USP8: variants seen among roughly 807,000 people sequenced by gnomAD.
The protein encoded by USP8 is ubiquitin specific peptidase 8.
Under a neutral mutation model 130.0 loss-of-function variants are expected in USP8, and 27 were observed. The ratio of observed to expected loss-of-function variants is 0.21; its 90% CI spans 0.15 to 0.29. The LOEUF (loss-of-function observed/expected upper bound fraction) is 0.29. Among genes scored for constraint, USP8 ranks in the 10% least tolerant of loss-of-function variants. The pLI is 1.00. For missense variants in USP8, 1,029 were observed against 1,312.2 expected (o/e 0.78, Z 3.33); for synonymous variants, 392 against 444.1 (o/e 0.88, Z 1.48).
intron 17 of USP8, 106 bp from the exon 18 acceptor site, chr15:50,496,983 G>A: frequency 1.5e-6 from 2 of 1,370,388 alleles, no homozygotes; most frequent in South Asian, 2.9e-5. Flanking sequence ...TGTGTAGATT[G>A]CTGTTGAATC....
Position 50,506,978 on chromosome 15 carries a change from A to T in USP8, c.*7890A>T, listed in dbSNP as rs1236997793. On this transcript the variant is annotated 3_prime_UTR_variant, in exon 20 of 20. Coordinates refer to ENST00000307179, the MANE Select transcript of USP8 (RefSeq NM_005154.5). Reference sequence around the variant, plus strand: ...ATCTCAAAAAAAAAAAAAAAAAAAAAAAAAAAAAAAAATCCAGTTTTAGGC... The same window carrying T: ...ATCTCAAAAAAAAAAAAAAAAAAAATAAAAAAAAAAAATCCAGTTTTAGGC... 6.5e-6 allele frequency: 1 copy of T among 152,702 alleles called. No homozygotes were observed. The highest frequency in any genetic ancestry group is 1.9e-4 in the East Asian group (1 of 5,232). 9.5% of individuals were successfully genotyped at this position (152,702 alleles called of 1,614,324 possible). A position where few individuals can be genotyped will look rare whatever the true frequency, so the allele number is the denominator to read the frequency against.
chr15:50,450,054 C>T (rs909245997), intron 4 of USP8, among the ~76,000 whole-genome samples: 8 of 151,230 alleles, frequency 5.3e-5, no homozygotes, highest in African/African-American at 9.7e-5. Context: ...CCACCTCACC[C>T]GGCTAATTTT....
rs1190193576 is a variant in USP8 at position 50,498,887 on chromosome 15, A to G, written c.3172-16A>G. ...TTTAACTGAATTGATTTTTTTTTCT[A>G]TCTTGTTTGGCACAGAATCACTACG... On this transcript the variant is annotated splice_polypyrimidine_tract_variant and intron_variant, in intron 19 of 19. Coordinates refer to ENST00000307179, the MANE Select transcript of USP8 (RefSeq NM_005154.5). 2 of 1,568,772 alleles carry G rather than the reference A, an allele frequency of 1.3e-6. No individual in the cohort carries two copies. The highest frequency in any genetic ancestry group is 1.7e-6 in the Non-Finnish European group (2 of 1,159,754).
chr15:50,429,088 A>G (rs2049842270), intron 1 of USP8, among the ~76,000 whole-genome samples: 1 of 152,120 alleles, frequency 6.6e-6, no homozygotes, highest in South Asian at 2.1e-4. Context: ...TTATTTCTGG[A>G]ATTTTTTATT....
intron 7 of USP8, among the ~76,000 whole-genome samples, chr15:50,468,392 G>A (rs926382603): frequency 1.3e-5 from 2 of 150,414 alleles, no homozygotes; most frequent in Non-Finnish European, 1.5e-5. Context: ...ATAGGTGTGC[G>A]CCACCACACC....
rs775130274 is a variant in USP8 at position 50,481,572 on chromosome 15, G to A, written c.1310G>A (p.Ser437Asn). 5 of 1,613,954 alleles carry A rather than the reference G, an allele frequency of 3.1e-6. No homozygotes were observed. In the East Asian group the frequency reaches 1.1e-4, roughly 36 times the overall value. ...AACCATGAGCAACAATCTCCTCAGA[G>A]TGGAAAAGTTATTCCTGATCGTTCC... ...STNHEQQSPQ[S>N]GKVIPDRSTK... The change falls in exon 11 of 20, where the codon AGT becomes AAT. Residue 437 changes from serine (S) to asparagine (N), a missense_variant. Transcript: ENST00000307179.
At chr15:50,495,738 G>C in intron 16 of USP8, 110 bp from the exon 17 acceptor site, 1 of 839,768 alleles carries the variant, frequency 1.2e-6, no homozygotes, top group Admixed American at 2.9e-5. Flanking sequence ...TCCTTTATGA[G>C]AACTACAGGT....
At chr15:50,452,446 A>G (rs1285306625) in intron 4 of USP8, among the ~76,000 whole-genome samples, 2 of 152,210 alleles carry the variant, frequency 1.3e-5, no homozygotes, top group Non-Finnish European at 2.9e-5. Flanking sequence ...AGACTGTAGA[A>G]CAAATCCAAG....
intron 8 of USP8, 107 bp downstream of exon 8, chr15:50,471,902 C>CTT (rs57729947): frequency 0.019 from 16,190 of 874,576 alleles, 100 homozygotes; most frequent in African/African-American, 0.059. Flanking sequence ...TTCATCATGC[C>CTT]TTTTTTTTTT....
chr15:50,426,573 A>T (rs2049733398), intron 1 of USP8, among the ~76,000 whole-genome samples: 1 of 152,172 alleles, frequency 6.6e-6, no homozygotes, highest in South Asian at 2.1e-4. Flanking sequence ...TGGCTAATTC[A>T]CGTGAAGGCG....
Position 50,443,752 on chromosome 15 carries a change from G to C in USP8, c.249+2259G>C, listed in dbSNP as rs372243841. Among the ~76,000 whole-genome samples, 3 of 152,240 alleles carry C rather than the reference G, an allele frequency of 2.0e-5. No homozygotes were observed. In the East Asian group the frequency reaches 5.8e-4, roughly 29 times the overall value. On this transcript the variant is annotated intron_variant, in intron 3 of 19. Transcript: ENST00000307179. ...CTGCCTCTGCCTTCCAAAGTGCTGG[G>C]ATTCCAGGCTTGAGCCATCATGCCT...
rs1439843191 is a variant in USP8 at position 50,476,929 on chromosome 15, G to A, written c.930G>A (p.Gln310=). The A allele has an allele frequency of 6.2e-7, 1 of 1,610,766 alleles. No individual in the cohort carries two copies. The highest frequency in any genetic ancestry group is 8.5e-7 in the Non-Finnish European group (1 of 1,179,548). Residue 310 remains glutamine, a synonymous_variant, in exon 9 of 20, where the codon CAG becomes CAA. Coordinates refer to ENST00000307179, the MANE Select transcript of USP8 (RefSeq NM_005154.5). ...AAAACTGGCTCCTTTGTTATCCCCAGTATACAACAAATGCTAAGGTCACTC... is the reference window on the plus strand; with the variant it reads ...AAAACTGGCTCCTTTGTTATCCCCAATATACAACAAATGCTAAGGTCACTC... ...GYENWLLCYP[Q]YTTNAKVTPP...
At position 50,481,859 on chromosome 15, in the gene USP8, G is replaced by A. The variant is rs768167279; in HGVS notation, c.1597G>A (p.Ala533Thr). Residue 533 changes from alanine (A) to threonine (T), a missense_variant, in exon 11 of 20, where the codon GCC becomes ACC. This residue lies in a region of USP8 where 486 missense variants were observed against 522.0 expected (regional missense o/e 0.93). Coordinates refer to ENST00000307179, the MANE Select transcript of USP8 (RefSeq NM_005154.5). ...AATGGAGAAGAAAGAAAGTGAACAG[G>A]CCAAGAAAGAAGATAAAGAAACCTC... ...EEMEKKESEQ[A>T]KKEDKETSAK... 11 of 1,542,660 alleles carry A rather than the reference G, an allele frequency of 7.1e-6. No individual in the cohort carries two copies. The highest frequency in any genetic ancestry group is 9.6e-6 in the Non-Finnish European group (11 of 1,149,546).
At chr15:50,440,751 C>T (rs1235334286) in intron 2 of USP8, among the ~76,000 whole-genome samples, 3 of 152,046 alleles carry the variant, frequency 2.0e-5, no homozygotes, top group Middle Eastern at 3.4e-3. Flanking sequence ...GCCTGTAATC[C>T]GAGCACTTTG....
In USP8 at chr15:50,465,126, G is replaced by A; in HGVS notation, c.621G>A (p.Met207Ile). The change falls in exon 7 of 20, where the codon ATG (methionine) becomes ATA (isoleucine). Residue 207 changes from methionine (M) to isoleucine (I), a missense_variant. Met to Ile is a conservative substitution (Grantham distance 10). Around this residue, in one of 4 missense-constraint regions of USP8, gnomAD observed 281 missense variants for 336.7 expected, o/e 0.83. Coordinates refer to ENST00000307179, the MANE Select transcript of USP8 (RefSeq NM_005154.5). The stretch of plus-strand genomic sequence containing the variant: ...TGATTATAATGGATGCTCGAAGAAT[G>A]CAGGATTATCAGGATTCCTGTATTT... ...ISLIIMDARR[M>I]QDYQDSCILH... 3.1e-6 allele frequency: 5 copies of A among 1,614,006 alleles called. No homozygotes were observed. Among genetic ancestry groups the A allele is most frequent in the Non-Finnish European group, 3.4e-6 (4 of 1,179,914 alleles).
At chr15:50,446,514 A>C (rs2050446358) in intron 3 of USP8, among the ~76,000 whole-genome samples, 1 of 152,206 alleles carries the variant, frequency 6.6e-6, no homozygotes, top group African/African-American at 2.4e-5. Flanking sequence ...TGATTACATT[A>C]TGATTTCTGT....
At chr15:50,458,308 C>T (rs750887388) in intron 4 of USP8, among the ~76,000 whole-genome samples, 9 of 152,266 alleles carry the variant, frequency 5.9e-5, no homozygotes, top group South Asian at 2.1e-4. Context: ...TGCACCACCA[C>T]GCCCAGCTAA....
At chr15:50,452,763 C>T (rs1420023260) in intron 4 of USP8, among the ~76,000 whole-genome samples, 1 of 152,186 alleles carries the variant, frequency 6.6e-6, no homozygotes. Flanking sequence ...ATAAAACCTA[C>T]CTCATAGTGC....
intron 7 of USP8, among the ~76,000 whole-genome samples, chr15:50,467,803 C>A (rs2051240157): frequency 6.6e-6 from 1 of 152,112 alleles, no homozygotes; most frequent in African/African-American, 2.4e-5. Flanking sequence ...ACAGTCCTCC[C>A]ACCGTAGCCT....
Sources: gnomAD v4.1 joint callset for allele counts (sites outside exome capture counted in the v4.1 genomes callset) on GRCh38, gnomAD v4.1.1 for gene constraint, gnomAD v4.1.1 regional missense constraint, MANE v1.5 for transcripts, NCBI Gene and HGNC (gene_info 2026-07-23, HGNC 2026-07-21) for gene names.